RAPGEF5: variants seen among roughly 807,000 people sequenced by gnomAD.
RAPGEF5 encodes the protein Rap guanine nucleotide exchange factor 5.
In RAPGEF5, 65 loss-of-function variants were observed where a neutral mutation model predicts 125.2. The ratio of observed to expected loss-of-function variants is 0.52; its 90% CI spans 0.43 to 0.64. The LOEUF (loss-of-function observed/expected upper bound fraction) is 0.64. RAPGEF5 is among the 30% of genes least tolerant of loss of function. The pLI is 0.00. For synonymous variants in RAPGEF5, 391 were observed against 385.9 expected, an observed-to-expected ratio of 1.01 and a Z score of -0.16; for missense variants, 958 against 1,048.1, an observed-to-expected ratio of 0.91 and a Z score of 1.19.
chr7:22,323,864 T>C (rs1440490692), intron 1 of RAPGEF5, among the ~76,000 whole-genome samples: 1 of 152,194 alleles, frequency 6.6e-6, no homozygotes, highest in African/African-American at 2.4e-5. Flanking sequence ...AGGACAGCCC[T>C]TCCTCATGGG....
intron 11 of RAPGEF5, among the ~76,000 whole-genome samples, chr7:22,174,436 T>C (rs1466814797): frequency 6.6e-6 from 1 of 152,166 alleles, no homozygotes; most frequent in Non-Finnish European, 1.5e-5. Context: ...CAGGGCCACA[T>C]CTCCTATGGC....
chr7:22,195,860 A>G (rs1475662108), intron 9 of RAPGEF5, among the ~76,000 whole-genome samples: 1 of 152,230 alleles, frequency 6.6e-6, no homozygotes, highest in Admixed American at 6.5e-5. Flanking sequence ...TCCTTTAATC[A>G]TGCGCCAATA....
At chr7:22,307,504 C>G (rs1300343635) in intron 5 of RAPGEF5, among the ~76,000 whole-genome samples, 1 of 152,120 alleles carries the variant, frequency 6.6e-6, no homozygotes, top group Non-Finnish European at 1.5e-5. Context: ...GCCTGGGAGA[C>G]AATTGGTGGA....
Position 22,219,968 on chromosome 7 carries a change from C to T in RAPGEF5, c.894G>A (p.Gln298=), listed in dbSNP as rs545991055. The T allele has an allele frequency of 5.6e-6, 9 of 1,613,564 alleles. No individual in the cohort carries two copies. The South Asian group carries it at 8.8e-5, about 16-fold the overall frequency. Residue 298 remains glutamine (Q), a synonymous_variant, in exon 9 of 26, where the codon CAG becomes CAA. Transcript: ENST00000665637. ...CAATTCGTCCGATTTCATCTCTTTC[C>T]TGGAGCTTGCACATCACCCCTGCCT... ...DSQAGVMCKL[Q]ERDEIGRIEL...
At chr7:22,135,379 G>C (rs1333472068) in intron 23 of RAPGEF5, among the ~76,000 whole-genome samples, 3 of 152,162 alleles carry the variant, frequency 2.0e-5, no homozygotes, top group East Asian at 1.9e-4. Flanking sequence ...AGATTAAAAA[G>C]AGTTTCCTTT....
chr7:22,330,459 C>T (rs1783895294), intron 1 of RAPGEF5, among the ~76,000 whole-genome samples: 1 of 152,146 alleles, frequency 6.6e-6, no homozygotes, highest in Non-Finnish European at 1.5e-5. Flanking sequence ...AACAGCAAAG[C>T]AAGAAGAGAT....
intron 5 of RAPGEF5, among the ~76,000 whole-genome samples, chr7:22,303,608 G>A (rs1221068247): frequency 2.6e-5 from 4 of 152,154 alleles, no homozygotes; most frequent in African/African-American, 9.7e-5. Context: ...GCTCACACAG[G>A]TAGGTATCAG....
intron 5 of RAPGEF5, among the ~76,000 whole-genome samples, chr7:22,300,371 T>TGGGG (rs1247365809): frequency 6.6e-6 from 1 of 152,250 alleles, no homozygotes; most frequent in East Asian, 1.9e-4. Flanking sequence ...GTTTACCTAA[T>TGGGG]GGGGCATAGT....
chr7:22,305,830 T>A (rs1356202567), intron 5 of RAPGEF5, among the ~76,000 whole-genome samples: 1 of 152,202 alleles, frequency 6.6e-6, no homozygotes, highest in Non-Finnish European at 1.5e-5. Context: ...CTGGCGTATG[T>A]CATTCAACAT....
At chr7:22,193,569 G>A (rs974568184) in intron 10 of RAPGEF5, 114 bp from the exon 11 acceptor site, 1 of 1,551,454 alleles carries the variant, frequency 6.4e-7, no homozygotes, top group Non-Finnish European at 8.7e-7. Flanking sequence ...GCACATCGAA[G>A]GTAGGCAAGG....
intron 12 of RAPGEF5, chr7:22,162,844 T>A (rs41273963): frequency 0.023 from 11,150 of 481,462 alleles, 172 homozygotes; most frequent in Middle Eastern, 0.055. Context: ...TACTAGGTGG[T>A]CCATTAATTT....
At chr7:22,139,911 C>G in intron 21 of RAPGEF5, 114 bp downstream of exon 21, 2 of 900,776 alleles carry the variant, frequency 2.2e-6, no homozygotes, top group Admixed American at 2.5e-5. Flanking sequence ...TCCCTACCAC[C>G]TTGACATATG....
At chr7:22,332,553 C>T (rs1161816661) in intron 1 of RAPGEF5, among the ~76,000 whole-genome samples, 1 of 152,234 alleles carries the variant, frequency 6.6e-6, no homozygotes, top group Non-Finnish European at 1.5e-5. Context: ...CTCTCACCCA[C>T]ATTTCTGTAG....
chr7:22,274,130 C>A (rs1428395411), intron 6 of RAPGEF5, among the ~76,000 whole-genome samples: 1 of 152,152 alleles, frequency 6.6e-6, no homozygotes, highest in Non-Finnish European at 1.5e-5. Flanking sequence ...CCTTCTTCTG[C>A]CTTTTATAAA....
chr7:22,191,534 C>T (rs1784996596), intron 11 of RAPGEF5: 1 of 470,672 alleles, frequency 2.1e-6, no homozygotes, highest in African/African-American at 2.0e-5. Context: ...CCAACCCCTT[C>T]TTCCCCACTT....
intron 6 of RAPGEF5, among the ~76,000 whole-genome samples, chr7:22,274,921 T>C (rs1782522289): frequency 6.6e-6 from 1 of 152,238 alleles, no homozygotes; most frequent in Non-Finnish European, 1.5e-5. Flanking sequence ...CAATGTCTGA[T>C]ACTGCATATA....
At chr7:22,186,496 A>C (rs1784829373) in intron 11 of RAPGEF5, among the ~76,000 whole-genome samples, 1 of 152,192 alleles carries the variant, frequency 6.6e-6, no homozygotes, top group Non-Finnish European at 1.5e-5. Context: ...GTTATTTAGC[A>C]ACCCATCATC....
At chr7:22,298,281 G>A (rs544953344) in intron 5 of RAPGEF5, among the ~76,000 whole-genome samples, 72 of 151,584 alleles carry the variant, frequency 4.7e-4, no homozygotes, top group African/African-American at 1.3e-3. Flanking sequence ...CAGTTCAAGC[G>A]ATTCTCCTGC....
At chr7:22,234,280 G>A (rs929248440) in intron 7 of RAPGEF5, among the ~76,000 whole-genome samples, 2 of 152,298 alleles carry the variant, frequency 1.3e-5, no homozygotes, top group African/African-American at 4.8e-5. Context: ...CTCATGTGGT[G>A]GGAAAAGGAG....
Sources: gnomAD v4.1 joint callset for allele counts (sites outside exome capture counted in the v4.1 genomes callset) on GRCh38, gnomAD v4.1.1 for gene constraint, MANE v1.5 for transcripts, NCBI Gene and HGNC (gene_info 2026-07-23, HGNC 2026-07-21) for gene names.